Variants in SGCZ observed in about 807,000 individuals in gnomAD.
SGCZ encodes sarcoglycan zeta.
SGCZ carries 40 observed loss-of-function variants against 41.3 expected under a neutral mutation model. The ratio of observed to expected loss-of-function variants is 0.97; its 90% CI spans 0.75 to 1.26. SGCZ has a LOEUF of 1.26. SGCZ is among the 50% of genes most tolerant of loss of function. The pLI, the probability that SGCZ is intolerant of heterozygous loss-of-function variation, is 0.00. For synonymous variants in SGCZ, 206 were observed against 137.5 expected, an observed-to-expected ratio of 1.50 and a Z score of -3.49; for missense variants, 552 against 369.8, an observed-to-expected ratio of 1.49 and a Z score of -4.04.
chr8:14,590,430 T>C (rs1254941131), intron 1 of SGCZ, among the ~76,000 whole-genome samples: 4 of 151,820 alleles, frequency 2.6e-5, no homozygotes, highest in Non-Finnish European at 5.9e-5. Flanking sequence ...TGTTTCATTA[T>C]ATGTACAGCA....
chr8:14,451,081 A>G (rs141890601), intron 2 of SGCZ, among the ~76,000 whole-genome samples: 25 of 152,258 alleles, frequency 1.6e-4, no homozygotes, highest in African/African-American at 5.5e-4. Context: ...CCAGTTAGCA[A>G]TTTCATAGTT....
chr8:14,157,353 T>TGTGTGTGA (rs1803908184), intron 5 of SGCZ, among the ~76,000 whole-genome samples: 2 of 132,242 alleles, frequency 1.5e-5, no homozygotes, highest in Non-Finnish European at 1.6e-5. Context: ...TGTGTGTGTG[T>TGTGTGTGA]GTGTGTGTGT....
At position 14,806,737 on chromosome 8, in the gene SGCZ, T is replaced by C. The variant is rs1360886308; in HGVS notation, c.40-251811A>G. ...TCCTCCCTAACTCATTTTAGGGAGT[T>C]AGCATCATTCTGATACCAAAGCCTG... On this transcript the variant is annotated intron_variant, in intron 1 of 7. Coordinates refer to ENST00000382080, the MANE Select transcript of SGCZ (RefSeq NM_139167.4). 2.0e-5 allele frequency among the ~76,000 whole-genome samples: 3 copies of C among 152,274 alleles called. No homozygotes were observed. The East Asian group carries it at 5.8e-4, about 30-fold the overall frequency.
chr8:14,086,386 T>C lies in SGCZ; in HGVS notation c.*4057A>G, dbSNP rs1405083909. 6.6e-6 allele frequency among the ~76,000 whole-genome samples: 1 copy of C among 151,716 alleles called. No homozygotes were observed. The highest frequency in any genetic ancestry group is 2.4e-5 in the African/African-American group (1 of 41,408). ...ATACCATGTTTGCAATGAAATAATT[T>C]ATTAGGAGTTTTATTGTATCAAATG... On this transcript the variant is annotated 3_prime_UTR_variant, in exon 8 of 8. Coordinates refer to ENST00000382080, the MANE Select transcript of SGCZ (RefSeq NM_139167.4).
At chr8:14,291,301 T>G (rs1800833136) in intron 3 of SGCZ, among the ~76,000 whole-genome samples, 2 of 151,744 alleles carry the variant, frequency 1.3e-5, no homozygotes, top group African/African-American at 4.8e-5. Context: ...GAGGGGTTTT[T>G]AATATTCTTA....
At chr8:14,583,555 A>T (rs539697407) in intron 1 of SGCZ, among the ~76,000 whole-genome samples, 2 of 151,832 alleles carry the variant, frequency 1.3e-5, no homozygotes, top group Non-Finnish European at 2.9e-5. Context: ...ATTGCTTTTG[A>T]TGTTTTAGAC....
chr8:14,470,947 C>T (rs1801197668), intron 2 of SGCZ, among the ~76,000 whole-genome samples: 1 of 152,106 alleles, frequency 6.6e-6, no homozygotes, highest in Non-Finnish European at 1.5e-5. Flanking sequence ...TGGCCCCAGG[C>T]ACAATCATCA....
chr8:14,665,714 C>T (rs1807889103), intron 1 of SGCZ, among the ~76,000 whole-genome samples: 1 of 152,092 alleles, frequency 6.6e-6, no homozygotes, highest in African/African-American at 2.4e-5. Flanking sequence ...GAATTTAATA[C>T]AACCAACCAA....
At chr8:14,612,000 T>C (rs1805945151) in intron 1 of SGCZ, among the ~76,000 whole-genome samples, 2 of 152,244 alleles carry the variant, frequency 1.3e-5, no homozygotes, top group Non-Finnish European at 2.9e-5. Flanking sequence ...AAGGCATCTA[T>C]TTCTTTAAGG....
intron 4 of SGCZ, among the ~76,000 whole-genome samples, chr8:14,201,739 C>T (rs1222120156): frequency 1.3e-5 from 2 of 152,074 alleles, no homozygotes; most frequent in Middle Eastern, 3.2e-3. Context: ...TCACAAAGCT[C>T]TATACTGAAG....
intron 1 of SGCZ, among the ~76,000 whole-genome samples, chr8:14,779,316 C>T (rs1265509239): frequency 1.3e-5 from 2 of 152,196 alleles, no homozygotes; most frequent in Non-Finnish European, 2.9e-5. Context: ...GTTATGAGAA[C>T]ACTCAAGCAT....
At chr8:14,305,335 A>G (rs1053531784) in intron 3 of SGCZ, among the ~76,000 whole-genome samples, 32 of 152,278 alleles carry the variant, frequency 2.1e-4, no homozygotes, top group Middle Eastern at 3.4e-3. Context: ...ACAGCGTGCA[A>G]TATTTCTAAT....
chr8:14,085,305 C>T lies in SGCZ; in HGVS notation c.*5138G>A, dbSNP rs549729365. On this transcript the variant is annotated 3_prime_UTR_variant, in exon 8 of 8. Transcript: ENST00000382080. ...AAAACATTTACATGAAAGTACAAAA[C>T]AAAATAAATGAATAGTGGACCTGAT... Among the ~76,000 whole-genome samples the T allele has an allele frequency of 6.6e-6, 1 of 151,356 alleles. No individual in the cohort carries two copies. The highest frequency in any genetic ancestry group is 1.5e-5 in the Non-Finnish European group (1 of 67,686).
intron 1 of SGCZ, among the ~76,000 whole-genome samples, chr8:14,807,648 A>C (rs1377278958): frequency 6.6e-6 from 1 of 151,788 alleles, no homozygotes; most frequent in Admixed American, 6.6e-5. Flanking sequence ...GAAAATGGCC[A>C]TACTGCCCAA....
chr8:14,564,974 G>C (rs755425988), intron 1 of SGCZ, among the ~76,000 whole-genome samples: 2 of 151,978 alleles, frequency 1.3e-5, no homozygotes, highest in East Asian at 1.9e-4. Context: ...TTTCTACTTG[G>C]TTTATGGAAA....
chr8:14,165,519 G>A (rs537926250), intron 4 of SGCZ, among the ~76,000 whole-genome samples: 4 of 152,114 alleles, frequency 2.6e-5, no homozygotes, highest in African/African-American at 9.6e-5. Context: ...TTGAGATAAT[G>A]GCCAGCAGTA....
At chr8:14,931,543 A>AT (rs1231457730) in intron 1 of SGCZ, among the ~76,000 whole-genome samples, 3 of 152,088 alleles carry the variant, frequency 2.0e-5, no homozygotes, top group Non-Finnish European at 4.4e-5. Context: ...ATAACCTTGA[A>AT]TTTTTTAGCA....
At chr8:14,908,561 C>G (rs4831662) in intron 1 of SGCZ, among the ~76,000 whole-genome samples, 26,374 of 151,854 alleles carry the variant, frequency 0.17, 2,973 homozygotes, top group South Asian at 0.3. Context: ...ACCAGCCTGA[C>G]CAACATGGTG....
chr8:14,286,389 G>C (rs535037889), intron 3 of SGCZ, among the ~76,000 whole-genome samples: 2 of 152,214 alleles, frequency 1.3e-5, no homozygotes, highest in East Asian at 1.9e-4. Flanking sequence ...ATTCTAATTA[G>C]CGAATGCGTG....
Sources: gnomAD v4.1 joint callset for allele counts (sites outside exome capture counted in the v4.1 genomes callset) on GRCh38, gnomAD v4.1.1 for gene constraint, MANE v1.5 for transcripts, NCBI Gene and HGNC (gene_info 2026-07-23, HGNC 2026-07-21) for gene names.